Variants in ANO3 observed in about 807,000 individuals in gnomAD.
The protein encoded by ANO3 is anoctamin 3.
Under a neutral mutation model 144.8 loss-of-function variants are expected in ANO3, and 99 were observed. The ratio of observed to expected loss-of-function variants is 0.68; its 90% CI spans 0.58 to 0.81. The LOEUF is 0.81. Among genes scored for constraint, ANO3 ranks in the 30% least tolerant of loss-of-function variants. The pLI, the probability that ANO3 is intolerant of heterozygous loss-of-function variation, is 0.00. For synonymous variants in ANO3, 414 were observed against 392.6 expected, an observed-to-expected ratio of 1.05 and a Z score of -0.64; for missense variants, 905 against 1,202.2, an observed-to-expected ratio of 0.75 and a Z score of 3.66.
At chr11:26,646,038 T>G (rs566226762) in intron 23 of ANO3, among the ~76,000 whole-genome samples, 4 of 152,258 alleles carry the variant, frequency 2.6e-5, no homozygotes. Flanking sequence ...AAGAAAACAG[T>G]TAGTAATCTT....
At chr11:26,218,770 A>G (rs987138943) in intron 1 of ANO3, among the ~76,000 whole-genome samples, 2 of 152,194 alleles carry the variant, frequency 1.3e-5, no homozygotes, top group Admixed American at 6.5e-5. Context: ...AAGGGAAAAA[A>G]TATAAAAGCC....
At chr11:26,364,808 A>T (rs1856020431) in intron 1 of ANO3, among the ~76,000 whole-genome samples, 1 of 152,190 alleles carries the variant, frequency 6.6e-6, no homozygotes, top group African/African-American at 2.4e-5. Flanking sequence ...TCAACATGAG[A>T]TTTGGGCAGG....
intron 1 of ANO3, among the ~76,000 whole-genome samples, chr11:26,260,865 T>C (rs1853172693): frequency 6.6e-6 from 1 of 152,162 alleles, no homozygotes; most frequent in Non-Finnish European, 1.5e-5. Flanking sequence ...TGGTGGGGCC[T>C]TCCCCATGGT....
At chr11:26,218,550 C>A (rs764174538) in intron 1 of ANO3, among the ~76,000 whole-genome samples, 1 of 152,010 alleles carries the variant, frequency 6.6e-6, no homozygotes, top group South Asian at 2.1e-4. Context: ...ATGTCCCAAG[C>A]GACTGCCTCA....
At position 26,443,848 on chromosome 11, in the gene ANO3, A is replaced by G; in HGVS notation, c.313+12A>G. 1.3e-6 allele frequency: 2 copies of G among 1,588,676 alleles called. No individual in the cohort carries two copies. Among genetic ancestry groups the G allele is most frequent in the Non-Finnish European group, 1.7e-6 (2 of 1,158,436 alleles). ...CGATTTTTGTTTGGGTAAGTTGATA[A>G]TCAGTATTTACCTACTCCTTTCCCT... On this transcript the variant is annotated intron_variant, in intron 3 of 26. Coordinates refer to ENST00000256737, the MANE Select transcript of ANO3 (RefSeq NM_031418.4).
At chr11:26,489,556 T>C (rs1004990585) in intron 4 of ANO3, among the ~76,000 whole-genome samples, 4 of 152,170 alleles carry the variant, frequency 2.6e-5, no homozygotes, top group East Asian at 1.9e-4. Flanking sequence ...GCTTGTACCA[T>C]GTGCCTGGAA....
chr11:26,313,012 C>A (rs1269178433), intron 1 of ANO3, among the ~76,000 whole-genome samples: 1 of 152,124 alleles, frequency 6.6e-6, no homozygotes, highest in Non-Finnish European at 1.5e-5. Context: ...GTACTTTAAT[C>A]TTTATTGTTT....
At chr11:26,338,331 T>C (rs532159560) in intron 1 of ANO3, among the ~76,000 whole-genome samples, 1 of 152,292 alleles carries the variant, frequency 6.6e-6, no homozygotes, top group African/African-American at 2.4e-5. Flanking sequence ...AACGCACCAA[T>C]CGGCATTCTG....
chr11:26,353,922 T>C (rs7121962), intron 1 of ANO3, among the ~76,000 whole-genome samples: 192 of 152,328 alleles, frequency 1.3e-3, no homozygotes, highest in African/African-American at 3.9e-3. Context: ...GAAGAACACA[T>C]TCTCATTTAT....
intron 1 of ANO3, among the ~76,000 whole-genome samples, chr11:26,240,897 G>A (rs1852649787): frequency 6.6e-6 from 1 of 151,980 alleles, no homozygotes; most frequent in African/African-American, 2.4e-5. Flanking sequence ...CATTGCTTAT[G>A]ACAGCCTGTG....
In ANO3 at chr11:26,529,137, TATTATATAATAA is replaced by T. The variant is rs1849246458; in HGVS notation, c.738-2067_738-2056del. On this transcript the variant is annotated intron_variant, in intron 7 of 26. Coordinates refer to ENST00000256737, the MANE Select transcript of ANO3 (RefSeq NM_031418.4). ...AATAATATATATTATATATAATATATATTATATAATAATATATATTATATATAATATATATTA... is the reference window on the plus strand; with the variant it reads ...AATAATATATATTATATATAATATATTATATATTATATATAATATATATTA... 5.1e-4 allele frequency among the ~76,000 whole-genome samples: 3 copies of T among 5,866 alleles called. 1 individual carries two copies. The highest frequency in any genetic ancestry group is 9.2e-4 in the African/African-American group (3 of 3,254). The allele number at this position is 5,866 out of a possible 152,430, so 3.8% of individuals were successfully genotyped here.
chr11:26,191,824 T>C (rs186701583), intron 1 of ANO3, among the ~76,000 whole-genome samples: 2 of 152,316 alleles, frequency 1.3e-5, no homozygotes, highest in Non-Finnish European at 2.9e-5. Context: ...GGGATTTTTT[T>C]TCCTGTTGCC....
At chr11:26,255,376 C>G (rs966368911) in intron 1 of ANO3, among the ~76,000 whole-genome samples, 3 of 152,104 alleles carry the variant, frequency 2.0e-5, no homozygotes, top group Non-Finnish European at 4.4e-5. Context: ...GTAGACTACT[C>G]CAACTCAGAT....
At chr11:26,303,099 G>T (rs1365949678) in intron 1 of ANO3, among the ~76,000 whole-genome samples, 1 of 152,210 alleles carries the variant, frequency 6.6e-6, no homozygotes, top group Non-Finnish European at 1.5e-5. Context: ...TGGTGGAAAT[G>T]TCAATTAGTT....
chr11:26,478,002 A>G (rs1860050414), intron 4 of ANO3, among the ~76,000 whole-genome samples: 2 of 152,218 alleles, frequency 1.3e-5, no homozygotes, highest in African/African-American at 4.8e-5. Flanking sequence ...CAATACAATC[A>G]TAAAACTGAA....
intron 1 of ANO3, among the ~76,000 whole-genome samples, chr11:26,400,918 C>CA (rs961653456): frequency 4.6e-5 from 7 of 150,942 alleles, no homozygotes; most frequent in East Asian, 3.9e-4. Flanking sequence ...CATTATACTT[C>CA]AAAAAAAAGA....
chr11:26,384,838 T>A (rs7104759), intron 1 of ANO3, among the ~76,000 whole-genome samples: 40,300 of 151,944 alleles, frequency 0.27, 5,952 homozygotes, highest in African/African-American at 0.4. Flanking sequence ...CTGGTAAAAC[T>A]GGACAAGCCT....
chr11:26,476,171 A>C (rs1190719332), intron 4 of ANO3, among the ~76,000 whole-genome samples: 1 of 152,164 alleles, frequency 6.6e-6, no homozygotes, highest in African/African-American at 2.4e-5. Context: ...CTGGGTATGC[A>C]TTGATGAATA....
chr11:26,292,234 T>C (rs1306880083), intron 1 of ANO3, among the ~76,000 whole-genome samples: 1 of 152,176 alleles, frequency 6.6e-6, no homozygotes, highest in Non-Finnish European at 1.5e-5. Context: ...ATCACATAGT[T>C]CTCGTGACAT....
Sources: gnomAD v4.1 joint callset for allele counts (sites outside exome capture counted in the v4.1 genomes callset) on GRCh38, gnomAD v4.1.1 for gene constraint, MANE v1.5 for transcripts, NCBI Gene and HGNC (gene_info 2026-07-23, HGNC 2026-07-21) for gene names.